Variants in OSCP1 observed in about 807,000 individuals in gnomAD.
OSCP1 encodes protein OSCP1.
OSCP1 carries 35 observed loss-of-function variants against 45.1 expected under a neutral mutation model. That is an observed-to-expected ratio of 0.78 (90% CI 0.59 to 1.03). OSCP1 has a LOEUF of 1.03. OSCP1 is among the 50% of genes least tolerant of loss of function. OSCP1 has a pLI of 0.00. For missense variants in OSCP1, 400 were observed against 470.7 expected (o/e 0.85, Z 1.39); for synonymous variants, 179 against 180.1 (o/e 0.99, Z 0.05).
intron 1 of OSCP1, among the ~76,000 whole-genome samples, chr1:36,446,053 T>C (rs1043097619): frequency 1.6e-4 from 25 of 151,772 alleles, no homozygotes; most frequent in African/African-American, 6.1e-4. Context: ...GAGGGAGACT[T>C]GCTTTGTCGC....
chr1:36,427,369 C>T (rs1373798149), intron 4 of OSCP1, among the ~76,000 whole-genome samples: 1 of 141,112 alleles, frequency 7.1e-6, no homozygotes, highest in African/African-American at 2.7e-5. Flanking sequence ...ATGATCATAG[C>T]TTACTGCAGC....
At position 36,450,278 on chromosome 1, in the gene OSCP1, G is replaced by A. The variant is rs11547025; in HGVS notation, c.92C>T (p.Pro31Leu). 6 of 1,613,640 alleles carry A rather than the reference G, an allele frequency of 3.7e-6. No homozygotes were observed. The highest frequency in any genetic ancestry group is 5.1e-6 in the Non-Finnish European group (6 of 1,179,858). Reference protein sequence around the residue: ...LDQRLRAQNIPGDKARKVLND... With the variant: ...LDQRLRAQNILGDKARKVLND... Reference sequence around the variant, plus strand: ...CTCACCTTTGCGGGCCTTGTCTCCCGGGATGTTCTGGGCCCGCAGCCGTTG... The same window carrying A: ...CTCACCTTTGCGGGCCTTGTCTCCCAGGATGTTCTGGGCCCGCAGCCGTTG... Residue 31 changes from proline to leucine, a missense_variant, in exon 1 of 10, where the codon CCG becomes CTG. Physicochemically the swap from Pro to Leu is moderately conservative, Grantham distance 98. Coordinates refer to ENST00000235532, the MANE Select transcript of OSCP1 (RefSeq NM_145047.5).
chr1:36,442,090 G>A (rs1019662336), intron 1 of OSCP1, among the ~76,000 whole-genome samples: 6 of 152,054 alleles, frequency 3.9e-5, no homozygotes, highest in African/African-American at 1.2e-4. Context: ...AGCCAGGCGT[G>A]GTGGCTCATG....
In OSCP1 at chr1:36,449,012, G is replaced by A. The variant is rs1042754087; in HGVS notation, c.112+1246C>T. On this transcript the variant is annotated intron_variant, in intron 1 of 9. Coordinates refer to ENST00000235532, the MANE Select transcript of OSCP1 (RefSeq NM_145047.5). ...GGTATGTTATAGGGAGTTATTTTTA[G>A]CTCTTTATGCATGGACTTGCACTCA... 2.6e-5 allele frequency among the ~76,000 whole-genome samples: 4 copies of A among 152,130 alleles called. No homozygotes were observed. The East Asian group carries it at 7.7e-4, about 29-fold the overall frequency.
chr1:36,421,956 A>G lies in OSCP1; in HGVS notation c.819+194T>C. Reference sequence around the variant, plus strand: ...GAGCCAAGCCTAAAATTACCTAATTAGTGAGATCACTGGAAGTCTCCATGA... The same window carrying G: ...GAGCCAAGCCTAAAATTACCTAATTGGTGAGATCACTGGAAGTCTCCATGA... On this transcript the variant is annotated intron_variant, in intron 7 of 9. Transcript: ENST00000235532. The G allele has an allele frequency of 5.0e-6, 3 of 604,786 alleles. 1 individual carries two copies. The East Asian group carries it at 8.4e-5, about 17-fold the overall frequency. 37.5% of individuals were successfully genotyped at this position (604,786 alleles called of 1,614,324 possible).
At chr1:36,418,528 G>A (rs940242589) in intron 9 of OSCP1, 16 of 501,848 alleles carry the variant, frequency 3.2e-5, no homozygotes, top group African/African-American at 2.1e-4. Context: ...TTTGAGCAGG[G>A]GGAATGACAA....
rs979048506 is a variant in OSCP1, at chr1:36,446,277, C to T, written c.112+3981G>A. Among the ~76,000 whole-genome samples the T allele has an allele frequency of 9.8e-5, 15 of 152,362 alleles. No individual in the cohort carries two copies. The South Asian group carries it at 2.7e-3, about 27-fold the overall frequency. ...ACCTCAGGTGATCCACCCACCTCGG[C>T]GTCCCAAAATGCTGGGAATATAGGC... On this transcript the variant is annotated intron_variant, in intron 1 of 9. Coordinates refer to ENST00000235532, the MANE Select transcript of OSCP1 (RefSeq NM_145047.5).
At chr1:36,423,895 AAAG>A (rs1378729486) in intron 4 of OSCP1, among the ~76,000 whole-genome samples, 1 of 152,024 alleles carries the variant, frequency 6.6e-6, no homozygotes, top group Non-Finnish European at 1.5e-5. Flanking sequence ...AAAATAAAAA[AAAG>A]AAGGGAGAAA....
intron 4 of OSCP1, among the ~76,000 whole-genome samples, chr1:36,431,169 T>C (rs143256604): frequency 1.1e-4 from 16 of 151,828 alleles, no homozygotes; most frequent in Non-Finnish European, 1.9e-4. Context: ...TTCAGCAAGG[T>C]GGTGGAGATG....
At chr1:36,434,547 C>T (rs1391155574) in intron 2 of OSCP1, among the ~76,000 whole-genome samples, 4 of 151,908 alleles carry the variant, frequency 2.6e-5, no homozygotes, top group African/African-American at 7.3e-5. Flanking sequence ...GTCAGGAGTT[C>T]GAGACCAGCC....
intron 4 of OSCP1, 110 bp downstream of exon 4, chr1:36,431,692 G>T: frequency 1.1e-6 from 1 of 915,492 alleles, no homozygotes; most frequent in Middle Eastern, 2.4e-4. Context: ...AAACCCTGAG[G>T]ACATCACTAA....
intron 1 of OSCP1, 81 bp from the exon 2 acceptor site, chr1:36,438,991 G>C: frequency 1.3e-6 from 2 of 1,482,620 alleles, no homozygotes; most frequent in East Asian, 2.3e-5. Context: ...GCAGGTACAG[G>C]AGCTGAGCGT....
At position 36,433,231 on chromosome 1, in the gene OSCP1, G is replaced by A. The variant is rs181232567; in HGVS notation, c.268-642C>T. Among the ~76,000 whole-genome samples the A allele has an allele frequency of 9.8e-5, 15 of 152,366 alleles. 1 individual carries two copies. The East Asian group carries it at 2.7e-3, about 27-fold the overall frequency. Reference sequence around the variant, plus strand: ...AACTGGTGGGGACCAAAGTGGTGAAGGCAGGCTTTGTGGTACAAGTGGCCT... The same window carrying A: ...AACTGGTGGGGACCAAAGTGGTGAAAGCAGGCTTTGTGGTACAAGTGGCCT... On this transcript the variant is annotated intron_variant, in intron 2 of 9. Coordinates refer to ENST00000235532, the MANE Select transcript of OSCP1 (RefSeq NM_145047.5).
At chr1:36,436,929 G>A (rs753086526) in intron 2 of OSCP1, among the ~76,000 whole-genome samples, 2 of 152,164 alleles carry the variant, frequency 1.3e-5, no homozygotes, top group Non-Finnish European at 2.9e-5. Context: ...CAGTATTTGT[G>A]TGATGTTTTT....
chr1:36,438,815 C>T lies in OSCP1; in HGVS notation c.208G>A (p.Val70Ile), dbSNP rs770134126. 4 of 1,614,222 alleles carry T rather than the reference C, an allele frequency of 2.5e-6. No homozygotes were observed. The highest frequency in any genetic ancestry group is 4.5e-5 in the East Asian group (2 of 44,894). ...ELYSKKALRT[V>I]YERLAHASIM... ...GAGGCATGAGCCAGGCGCTCATAGA[C>T]AGTCCTCAGGGCCTTCTTGGAGTAG... Residue 70 changes from valine to isoleucine, a missense_variant, in exon 2 of 10, where the codon GTC becomes ATC. Coordinates refer to ENST00000235532, the MANE Select transcript of OSCP1 (RefSeq NM_145047.5).
At chr1:36,418,810 C>T (rs1396922323) in intron 9 of OSCP1, among the ~76,000 whole-genome samples, 181 bp downstream of exon 9, 1 of 151,748 alleles carries the variant, frequency 6.6e-6, no homozygotes, top group Non-Finnish European at 1.5e-5. Flanking sequence ...CACCTGTAAT[C>T]CCAACTACTC....
chr1:36,421,967 T>C (rs1260832688), intron 7 of OSCP1, 183 bp downstream of exon 7: 1 of 621,482 alleles, frequency 1.6e-6, no homozygotes, highest in Admixed American at 2.9e-5. Flanking sequence ...GTGAGATCAC[T>C]GGAAGTCTCC....
intron 2 of OSCP1, among the ~76,000 whole-genome samples, chr1:36,434,786 C>T (rs1373984718): frequency 6.7e-6 from 1 of 148,516 alleles, no homozygotes; most frequent in African/African-American, 2.5e-5. Context: ...TTAAAACAAG[C>T]CCCAGAAAAC....
intron 2 of OSCP1, among the ~76,000 whole-genome samples, chr1:36,435,335 C>T (rs778123476): frequency 7.9e-5 from 12 of 151,282 alleles, no homozygotes; most frequent in South Asian, 2.1e-4. Context: ...ATATTAGAGA[C>T]GGGTTTTTGC....
Sources: allele counts gnomAD v4.1 joint callset (sites outside exome capture counted in the v4.1 genomes callset), GRCh38; gene constraint gnomAD v4.1.1; transcripts MANE v1.5; gene names NCBI Gene and HGNC (gene_info 2026-07-23, HGNC 2026-07-21).